The following DNAAF1 variants were observed in gnomAD, a reference collection of about 807,000 sequenced individuals.
DNAAF1 encodes the protein dynein axonemal assembly factor 1, also known as dynein assembly factor 1, axonemal.
A neutral mutation model predicts 71.1 loss-of-function variants in DNAAF1; 65 were observed. The observed-to-expected ratio is 0.91, with a 90% confidence interval of 0.75 to 1.12. The LOEUF is 1.12. Among genes scored for constraint, DNAAF1 ranks in the 50% most tolerant of loss-of-function variants. The pLI, the probability that DNAAF1 is intolerant of heterozygous loss-of-function variation, is 0.00. For missense variants in DNAAF1, 1,178 were observed against 899.8 expected, an observed-to-expected ratio of 1.31 and a Z score of -3.96; for synonymous variants, 414 against 354.6, an observed-to-expected ratio of 1.17 and a Z score of -1.88.
intron 6 of DNAAF1, among the ~76,000 whole-genome samples, chr16:84,161,737 G>C (rs370028325): frequency 1.3e-5 from 2 of 151,612 alleles, no homozygotes; most frequent in South Asian, 2.1e-4. Context: ...CTGTCATCTA[G>C]GATGCAGCAG....
At chr16:84,162,517 A>G (rs1054109668) in intron 6 of DNAAF1, among the ~76,000 whole-genome samples, 1 of 152,106 alleles carries the variant, frequency 6.6e-6, no homozygotes, top group East Asian at 1.9e-4. Flanking sequence ...GAACATTCTC[A>G]TCACCCTAAA....
At chr16:84,166,370 C>CTTT (rs535417461) in intron 7 of DNAAF1, among the ~76,000 whole-genome samples, 3 of 118,804 alleles carry the variant, frequency 2.5e-5, no homozygotes, top group Non-Finnish European at 3.5e-5. Flanking sequence ...TTCTTTTTTT[C>CTTT]TTTTTTTTTT....
chr16:84,176,548 T>G, intron 11 of DNAAF1: 1 of 598,102 alleles, frequency 1.7e-6, no homozygotes, highest in East Asian at 3.0e-5. Context: ...CGAGTCTGAC[T>G]GTGTGTGGGG....
At chr16:84,166,264 G>T (rs952093195) in intron 7 of DNAAF1, among the ~76,000 whole-genome samples, 2 of 151,940 alleles carry the variant, frequency 1.3e-5, no homozygotes, top group Admixed American at 6.6e-5. Context: ...TGTTGTCCAG[G>T]CTCGTCTCGA....
chr16:84,150,119 C>T (rs796678307), intron 2 of DNAAF1, 132 bp from the exon 3 acceptor site: 2 of 677,774 alleles, frequency 3.0e-6, no homozygotes, highest in Non-Finnish European at 5.3e-6. Context: ...AAAAGACGAA[C>T]TTAAAATAGG....
intron 1 of DNAAF1, among the ~76,000 whole-genome samples, chr16:84,145,908 C>T (rs1283604100): frequency 6.6e-6 from 1 of 152,016 alleles, no homozygotes; most frequent in East Asian, 1.9e-4. Context: ...CCAGCCTGGC[C>T]AACATAGTGA....
chr16:84,159,140 G>T, intron 5 of DNAAF1: 1 of 995,450 alleles, frequency 1.0e-6, no homozygotes, highest in African/African-American at 1.7e-5. Flanking sequence ...CCTCCTCCCT[G>T]GTCCTAAGTG....
chr16:84,164,985 C>G (rs2087897718), intron 6 of DNAAF1, among the ~76,000 whole-genome samples: 1 of 152,152 alleles, frequency 6.6e-6, no homozygotes, highest in Non-Finnish European at 1.5e-5. Flanking sequence ...TCTTATTGTT[C>G]TAATTTGCAT....
At chr16:84,165,151 AG>A (rs1295947406) in intron 6 of DNAAF1, among the ~76,000 whole-genome samples, 1 of 152,078 alleles carries the variant, frequency 6.6e-6, no homozygotes, top group East Asian at 1.9e-4. Flanking sequence ...TTTGGATCCA[AG>A]CCCTTTCCCA....
chr16:84,176,338 T>C, intron 11 of DNAAF1, 39 bp downstream of exon 11: 1 of 1,612,102 alleles, frequency 6.2e-7, no homozygotes, highest in Non-Finnish European at 8.5e-7. Context: ...GAGACAATGT[T>C]GGCTCCCCGG....
At chr16:84,169,056 A>G (rs965285047) in intron 7 of DNAAF1, among the ~76,000 whole-genome samples, 2 of 147,252 alleles carry the variant, frequency 1.4e-5, no homozygotes, top group South Asian at 4.3e-4. Flanking sequence ...AAACAACACT[A>G]ATGAACATCC....
intron 7 of DNAAF1, 22 bp downstream of exon 7, chr16:84,165,971 A>G (rs761913376): frequency 9.3e-6 from 15 of 1,611,510 alleles, no homozygotes; most frequent in Non-Finnish European, 1.3e-5. Context: ...GCCGAAGACA[A>G]CAGCCCCAGA....
At chr16:84,160,252 T>C (rs1224302819) in intron 6 of DNAAF1, among the ~76,000 whole-genome samples, 1 of 152,268 alleles carries the variant, frequency 6.6e-6, no homozygotes, top group East Asian at 1.9e-4. Context: ...GGATAATTGA[T>C]GAAGTTGGGC....
chr16:84,145,617 C>T (rs2086862572), intron 1 of DNAAF1, 53 bp downstream of exon 1: 2 of 1,532,252 alleles, frequency 1.3e-6, no homozygotes, highest in East Asian at 2.5e-5. Context: ...CACGGCTAGG[C>T]GCTCCAGCCC....
intron 5 of DNAAF1, among the ~76,000 whole-genome samples, chr16:84,158,427 G>A (rs916308303): frequency 2.6e-5 from 4 of 151,978 alleles, no homozygotes; most frequent in East Asian, 1.9e-4. Flanking sequence ...ATTGGATTAC[G>A]GCCCACCCTA....
intron 6 of DNAAF1, among the ~76,000 whole-genome samples, chr16:84,163,885 C>G (rs79819443): frequency 0.038 from 5,632 of 146,956 alleles, 332 homozygotes; most frequent in African/African-American, 0.13. Flanking sequence ...TGGGGGACAG[C>G]GTTTTGCTCT....
At position 84,174,171 on chromosome 16, in the gene DNAAF1, A is replaced by G. The variant is rs1326349244; in HGVS notation, c.1645-498A>G. On this transcript the variant is annotated intron_variant, in intron 9 of 11. Coordinates refer to ENST00000378553, the MANE Select transcript of DNAAF1 (RefSeq NM_178452.6). ...TAGGCACCGTGGCTCCAGTTCATGC[A>G]TCCAACCACACACTATGCTGCCTCC... 5 of 1,002,624 alleles carry G rather than the reference A, an allele frequency of 5.0e-6. 1 individual carries two copies. Among genetic ancestry groups the G allele is most frequent in the East Asian group, 2.0e-4 (2 of 9,778 alleles). The allele number at this position is 1,002,624 out of a possible 1,614,324, so 62.1% of individuals were successfully genotyped here. A position where few individuals can be genotyped will look rare whatever the true frequency, so the allele number is the denominator to read the frequency against.
chr16:84,150,002 G>A (rs2087110104), intron 2 of DNAAF1, among the ~76,000 whole-genome samples: 1 of 151,654 alleles, frequency 6.6e-6, no homozygotes, highest in African/African-American at 2.4e-5. Flanking sequence ...TCCAGCCTGG[G>A]CAATAGAGTG....
At chr16:84,161,115 C>T (rs1325371132) in intron 6 of DNAAF1, among the ~76,000 whole-genome samples, 6 of 152,118 alleles carry the variant, frequency 3.9e-5, no homozygotes, top group Non-Finnish European at 8.8e-5. Context: ...CTTGGGGGAG[C>T]TCCCTCACCT....
Sources: gnomAD v4.1 joint callset for allele counts (sites outside exome capture counted in the v4.1 genomes callset) on GRCh38, gnomAD v4.1.1 for gene constraint, MANE v1.5 for transcripts, NCBI Gene and HGNC (gene_info 2026-07-23, HGNC 2026-07-21) for gene names.